The following VPS41 variants were observed in gnomAD, a reference collection of about 807,000 sequenced individuals.
VPS41 encodes the protein VPS41 subunit of HOPS complex, also known as vacuolar protein sorting-associated protein 41 homolog.
In VPS41, 85 loss-of-function variants were observed where a neutral mutation model predicts 130.9. The observed-to-expected ratio is 0.65, with a 90% CI of 0.55 to 0.78. The LOEUF is 0.78. Ranked by LOEUF, VPS41 falls within the 30% of genes least tolerant of loss-of-function variation. VPS41 has a pLI of 0.00. For missense variants in VPS41, 874 were observed against 1,018.7 expected (o/e 0.86, Z 1.93); for synonymous variants, 335 against 332.9 (o/e 1.01, Z -0.07).
chr7:38,886,746 G>A (rs556253351), intron 2 of VPS41, among the ~76,000 whole-genome samples: 150 of 152,326 alleles, frequency 9.8e-4, no homozygotes, highest in African/African-American at 3.3e-3. Context: ...TGGGTAGCCT[G>A]ACTGGGAGAC....
chr7:38,856,267 T>A (rs1210636751), intron 4 of VPS41, among the ~76,000 whole-genome samples: 1 of 152,190 alleles, frequency 6.6e-6, no homozygotes. Flanking sequence ...CAAGTGACCC[T>A]CCTGTCGTAG....
chr7:38,803,749 C>T (rs1784781050), intron 7 of VPS41, among the ~76,000 whole-genome samples: 1 of 152,272 alleles, frequency 6.6e-6, no homozygotes, highest in Non-Finnish European at 1.5e-5. Context: ...TGGTGGCTGG[C>T]TACTGATGGC....
Position 38,870,897 on chromosome 7 carries a change from T to C in VPS41, c.61-1644A>G, listed in dbSNP as rs146822682. 8.8e-3 allele frequency among the ~76,000 whole-genome samples: 1,310 copies of C among 148,522 alleles called. 8 individuals are homozygous for C. The highest frequency in any genetic ancestry group is 0.018 in the Middle Eastern group (5 of 280). On this transcript the variant is annotated intron_variant, in intron 2 of 28. Coordinates refer to ENST00000310301, the MANE Select transcript of VPS41 (RefSeq NM_014396.4). ...ACTGAATTAAGAAGTCAATAGATGG[T>C]TTAATATAAGATTAGCAAAACAGAA...
rs796905252 is a variant in VPS41 at position 38,826,428 on chromosome 7, C to G, written c.321+3826G>C. 3.2e-4 allele frequency among the ~76,000 whole-genome samples: 49 copies of G among 152,168 alleles called. 1 individual carries two copies. The highest frequency in any genetic ancestry group is 1.1e-3 in the African/African-American group (45 of 41,530). On this transcript the variant is annotated intron_variant, in intron 5 of 28. Transcript: ENST00000310301. ...CTTTAAGAAATATCTTAATATTAAC[C>G]AGAAACCAAAGAAAAAACTAGAAAA... is the stretch of plus-strand genomic sequence containing the variant.
rs1369940061 is a variant in VPS41, at chr7:38,725,534, CAGTAAA to C, written c.*706_*711del. 24 of 152,226 alleles carry C rather than the reference CAGTAAA, an allele frequency of 1.6e-4. No individual in the cohort carries two copies. The highest frequency in any genetic ancestry group is 5.8e-4 in the African/African-American group (24 of 41,448). 9.4% of individuals were successfully genotyped at this position (152,226 alleles called of 1,614,324 possible). On this transcript the variant is annotated 3_prime_UTR_variant, in exon 29 of 29. Coordinates refer to ENST00000310301, the MANE Select transcript of VPS41 (RefSeq NM_014396.4). ...AATTCTTAACTGCATTTGTTTATCCCAGTAAAAGTGAGTCCTTCACAATGAGAAGAG... is the reference window on the plus strand; with the variant it reads ...AATTCTTAACTGCATTTGTTTATCCCAGTGAGTCCTTCACAATGAGAAGAG...
chr7:38,818,057 C>T (rs1014414975), intron 6 of VPS41, among the ~76,000 whole-genome samples, 175 bp from the exon 7 acceptor site: 2 of 152,086 alleles, frequency 1.3e-5, no homozygotes, highest in African/African-American at 2.4e-5. Flanking sequence ...TTTCTTCTTA[C>T]GTGAAAAGAT....
At chr7:38,848,132 C>T (rs2116251832) in intron 4 of VPS41, among the ~76,000 whole-genome samples, 1 of 152,316 alleles carries the variant, frequency 6.6e-6, no homozygotes, top group South Asian at 2.1e-4. Context: ...AGCAGTCTCT[C>T]AAAACTTTTC....
intron 4 of VPS41, chr7:38,831,190 T>A: frequency 2.1e-6 from 1 of 470,840 alleles, no homozygotes; most frequent in Non-Finnish European, 4.4e-6. Flanking sequence ...TCGATTTTAG[T>A]CTTGGCAAAT....
Position 38,865,910 on chromosome 7 carries a change from A to G in VPS41, c.168+3236T>C, listed in dbSNP as rs369509506. Among the ~76,000 whole-genome samples the G allele has an allele frequency of 1.2e-4, 19 of 152,350 alleles. No individual in the cohort carries two copies. The East Asian group carries it at 3.3e-3, about 26-fold the overall frequency. On this transcript the variant is annotated intron_variant, in intron 3 of 28. Coordinates refer to ENST00000310301, the MANE Select transcript of VPS41 (RefSeq NM_014396.4). ...AAATCATTAAGTCATCAAGAAGCCA[A>G]TAAAGAATTCTAAGAAGGAGGATTA...
At chr7:38,887,856 G>A (rs936134358) in intron 2 of VPS41, among the ~76,000 whole-genome samples, 11 of 152,206 alleles carry the variant, frequency 7.2e-5, no homozygotes, top group African/African-American at 2.7e-4. Context: ...CAAGCCAGAA[G>A]AGAGTGGGGG....
At chr7:38,752,639 G>T (rs529023006) in intron 21 of VPS41, among the ~76,000 whole-genome samples, 1 of 152,232 alleles carries the variant, frequency 6.6e-6, no homozygotes, top group African/African-American at 2.4e-5. Flanking sequence ...TTGCCATTAC[G>T]AAATCACTCA....
At position 38,723,587 on chromosome 7, in the gene VPS41, G is replaced by A. The variant is rs1476152897; in HGVS notation, c.*2659C>T. 1 of 151,892 alleles carries A rather than the reference G, an allele frequency of 6.6e-6. No individual in the cohort carries two copies. Among genetic ancestry groups the A allele is most frequent in the African/African-American group, 2.4e-5 (1 of 41,312 alleles). The allele number at this position is 151,892 out of a possible 1,614,324, so 9.4% of individuals were successfully genotyped here. A position where few individuals can be genotyped will look rare whatever the true frequency, so the allele number is the denominator to read the frequency against. ...AAAGTACAAAAAATTAGCTGGGCAT[G>A]GTGGTGCGTGCCTGTACTCCCACCT... On this transcript the variant is annotated 3_prime_UTR_variant, in exon 29 of 29. Transcript: ENST00000310301.
chr7:38,894,037 T>C (rs1786924402), intron 2 of VPS41, among the ~76,000 whole-genome samples: 1 of 152,202 alleles, frequency 6.6e-6, no homozygotes, highest in African/African-American at 2.4e-5. Flanking sequence ...GTTATATGGT[T>C]GAAAACACTA....
chr7:38,881,763 A>C (rs1415299206), intron 2 of VPS41, among the ~76,000 whole-genome samples: 1 of 152,066 alleles, frequency 6.6e-6, no homozygotes, highest in African/African-American at 2.4e-5. Flanking sequence ...CCATCTCCAA[A>C]ATGAGGACAC....
intron 6 of VPS41, among the ~76,000 whole-genome samples, chr7:38,820,560 T>C (rs541574192): frequency 1.3e-5 from 2 of 152,224 alleles, no homozygotes; most frequent in South Asian, 4.1e-4. Flanking sequence ...TTTATTTACT[T>C]TGTTCTTAAA....
chr7:38,837,502 T>C (rs1316040185), intron 4 of VPS41, among the ~76,000 whole-genome samples: 1 of 152,238 alleles, frequency 6.6e-6, no homozygotes, highest in Admixed American at 6.5e-5. Context: ...CTGTATGTTC[T>C]CTCTTCCTTT....
intron 4 of VPS41, among the ~76,000 whole-genome samples, chr7:38,842,654 GAAATGTT>G (rs915847356): frequency 9.9e-5 from 15 of 152,082 alleles, no homozygotes; most frequent in African/African-American, 3.4e-4. Flanking sequence ...CTGGTTTTTT[GAAATGTT>G]TTCTTTAACT....
At chr7:38,781,860 T>G (rs977242409) in intron 10 of VPS41, among the ~76,000 whole-genome samples, 11 of 152,220 alleles carry the variant, frequency 7.2e-5, no homozygotes, top group African/African-American at 2.7e-4. Flanking sequence ...GTCTTATAGC[T>G]CCTCTGAAAC....
At chr7:38,889,593 G>GA (rs1786816817) in intron 2 of VPS41, among the ~76,000 whole-genome samples, 1 of 148,434 alleles carries the variant, frequency 6.7e-6, no homozygotes, top group Non-Finnish European at 1.5e-5. Context: ...CTGAAGGGAA[G>GA]ATAAAGATAC....
Sources: gnomAD v4.1 joint callset for allele counts (sites outside exome capture counted in the v4.1 genomes callset) on GRCh38, gnomAD v4.1.1 for gene constraint, MANE v1.5 for transcripts, NCBI Gene and HGNC (gene_info 2026-07-23, HGNC 2026-07-21) for gene names.